Variants in NTN1 observed in about 807,000 individuals in gnomAD.
The protein encoded by NTN1 is netrin-1.
A neutral mutation model predicts 54.2 loss-of-function variants in NTN1; 11 were observed. The ratio of observed to expected loss-of-function variants is 0.20; its 90% CI spans 0.13 to 0.34. The LOEUF (loss-of-function observed/expected upper bound fraction) is 0.34, where lower values mean the gene tolerates loss of function less well. Ranked by LOEUF, NTN1 falls within the 10% of genes least tolerant of loss-of-function variation. The pLI, the probability that NTN1 is intolerant of heterozygous loss-of-function variation, is 1.00. For missense variants in NTN1, 740 were observed against 893.1 expected, an observed-to-expected ratio of 0.83 and a Z score of 2.18; for synonymous variants, 371 against 382.0, an observed-to-expected ratio of 0.97 and a Z score of 0.33.
At chr17:9,227,614 G>C (rs909722072) in intron 6 of NTN1, among the ~76,000 whole-genome samples, 4 of 92,620 alleles carry the variant, frequency 4.3e-5, no homozygotes, top group African/African-American at 1.9e-4. Flanking sequence ...TCACACATCA[G>C]ATACACAGAC....
chr17:9,125,228 A>ATTT (rs143350408), intron 2 of NTN1, among the ~76,000 whole-genome samples: 1 of 142,682 alleles, frequency 7.0e-6, no homozygotes, highest in African/African-American at 2.6e-5. Context: ...TGTTTGGCTA[A>ATTT]TTTTTTTTTT....
At chr17:9,122,883 G>T (rs1476972726) in intron 2 of NTN1, among the ~76,000 whole-genome samples, 1 of 152,110 alleles carries the variant, frequency 6.6e-6, no homozygotes, top group Non-Finnish European at 1.5e-5. Flanking sequence ...AGTTTTGCAT[G>T]GTTGCATAGT....
chr17:9,086,962 ATGCTTGAC>A (rs1422087345), intron 2 of NTN1, among the ~76,000 whole-genome samples: 11 of 152,216 alleles, frequency 7.2e-5, no homozygotes, highest in African/African-American at 2.7e-4. Context: ...GGCAGCTAGC[ATGCTTGAC>A]CACCTTCTGT....
rs774141266 is a variant in NTN1 at position 9,023,084 on chromosome 17, G to T, written c.711G>T (p.Val237=). The T allele has an allele frequency of 1.9e-6, 3 of 1,572,636 alleles. No homozygotes were observed. The highest frequency in any genetic ancestry group is 1.7e-6 in the Non-Finnish European group (2 of 1,160,344). Residue 237 remains valine (V), a synonymous_variant, in exon 2 of 7, where the codon GTG becomes GTT. Coordinates refer to ENST00000173229, the MANE Select transcript of NTN1 (RefSeq NM_004822.3). The part of the protein sequence containing the change: ...PSAHDFDNSP[V]LQDWVTATDI... ...CGCACGACTTCGACAACTCGCCCGT[G>T]CTGCAGGACTGGGTCACGGCCACAG...
chr17:9,117,137 T>C (rs566410819), intron 2 of NTN1, among the ~76,000 whole-genome samples: 5 of 152,122 alleles, frequency 3.3e-5, no homozygotes, highest in South Asian at 2.1e-4. Flanking sequence ...CATGATGTTA[T>C]AGGAAAAAAT....
intron 2 of NTN1, among the ~76,000 whole-genome samples, chr17:9,090,189 T>C (rs2092105276): frequency 6.6e-6 from 1 of 151,528 alleles, no homozygotes; most frequent in South Asian, 2.1e-4. Context: ...TTTTCTTTTT[T>C]TTTTTGAGAT....
Position 9,133,681 on chromosome 17 carries a change from G to A in NTN1, c.1019-29132G>A, listed in dbSNP as rs576794892. 1.4e-3 allele frequency among the ~76,000 whole-genome samples: 204 copies of A among 148,932 alleles called. 1 individual carries two copies. The highest frequency in any genetic ancestry group is 4.6e-3 in the African/African-American group (185 of 40,254). ...CGGCTCACTGCAACCTCCACCTCCC[G>A]GGTTCAAGCGATTCTCCTGCCTCAG... is the stretch of plus-strand genomic sequence containing the variant. On this transcript the variant is annotated intron_variant, in intron 2 of 6. Transcript: ENST00000173229.
At chr17:9,222,564 C>T (rs1034401279) in intron 6 of NTN1, among the ~76,000 whole-genome samples, 11 of 152,284 alleles carry the variant, frequency 7.2e-5, no homozygotes, top group Middle Eastern at 3.4e-3. Context: ...GTGACCTCTG[C>T]GTCCAAAGGA....
chr17:9,204,547 G>A (rs1034882102), intron 5 of NTN1, among the ~76,000 whole-genome samples: 3 of 152,134 alleles, frequency 2.0e-5, no homozygotes, highest in Admixed American at 6.5e-5. Context: ...TGCCTGCCTC[G>A]GCCTCCCAAA....
At chr17:9,094,908 G>A (rs1235092769) in intron 2 of NTN1, among the ~76,000 whole-genome samples, 1 of 147,094 alleles carries the variant, frequency 6.8e-6, no homozygotes, top group Admixed American at 7.1e-5. Flanking sequence ...AGAATCGCTT[G>A]AATGCAGGAG....
the NTN1 span, among the ~76,000 whole-genome samples, chr17:9,007,260 TTCTC>T: frequency 3.4e-4 from 52 of 151,094 alleles, no homozygotes; most frequent in African/African-American, 8.7e-4. Flanking sequence ...TTCCTTCTCT[TTCTC>T]TCTTTCTTTT....
chr17:9,205,883 G>A (rs1015163271), intron 5 of NTN1, among the ~76,000 whole-genome samples: 1 of 152,270 alleles, frequency 6.6e-6, no homozygotes, highest in Non-Finnish European at 1.5e-5. Flanking sequence ...TTCCTATGTG[G>A]CTGTGCAGCT....
intron 2 of NTN1, among the ~76,000 whole-genome samples, chr17:9,132,626 C>G (rs868437329): frequency 9.2e-5 from 14 of 152,096 alleles, no homozygotes; most frequent in African/African-American, 2.9e-4. Context: ...TGTAACCCCA[C>G]CACTTTGGGG....
In NTN1 at chr17:9,102,390, A is replaced by G. The variant is rs183452509; in HGVS notation, c.1019-60423A>G. On this transcript the variant is annotated intron_variant, in intron 2 of 6. Coordinates refer to ENST00000173229, the MANE Select transcript of NTN1 (RefSeq NM_004822.3). The stretch of plus-strand genomic sequence containing the variant: ...TTAGTGAAGGGGAAGCCCCTTAAAA[A>G]ACCATCAGATCTCGTGAGAACTAAC... Among the ~76,000 whole-genome samples the G allele has an allele frequency of 4.6e-5, 7 of 152,240 alleles. 1 individual carries two copies. In the East Asian group the frequency reaches 1.4e-3, roughly 29 times the overall value.
intron 2 of NTN1, among the ~76,000 whole-genome samples, chr17:9,040,904 TG>T (rs1465996744): frequency 2.0e-5 from 3 of 152,104 alleles, no homozygotes; most frequent in African/African-American, 4.8e-5. Context: ...CTCAACCTCC[TG>T]GGCTAAAGCA....
chr17:9,224,804 TG>T (rs200491836), intron 6 of NTN1, among the ~76,000 whole-genome samples: 1 of 125,238 alleles, frequency 8.0e-6, no homozygotes, highest in African/African-American at 3.0e-5. Flanking sequence ...GGGGATGGGG[TG>T]GGGGGGCACA....
In NTN1 at chr17:9,203,527, G is replaced by A. The variant is rs1181375968; in HGVS notation, c.1412-17641G>A. Among the ~76,000 whole-genome samples, 13 of 152,158 alleles carry A rather than the reference G, an allele frequency of 8.5e-5. No homozygotes were observed. The East Asian group carries it at 1.9e-3, about 23-fold the overall frequency. On this transcript the variant is annotated intron_variant, in intron 5 of 6. Coordinates refer to ENST00000173229, the MANE Select transcript of NTN1 (RefSeq NM_004822.3). Reference sequence around the variant, plus strand: ...CAAGAACTGAGGACTGGTTGGGCGCGGTGGCTAACCCCTGTAATCCCAGCA... The same window carrying A: ...CAAGAACTGAGGACTGGTTGGGCGCAGTGGCTAACCCCTGTAATCCCAGCA...
chr17:9,169,789 T>C (rs1255034512), intron 3 of NTN1, among the ~76,000 whole-genome samples: 1 of 152,150 alleles, frequency 6.6e-6, no homozygotes, highest in Non-Finnish European at 1.5e-5. Flanking sequence ...CGCTTGAGCC[T>C]GGGAGGCAGA....
intron 2 of NTN1, among the ~76,000 whole-genome samples, chr17:9,143,289 A>G (rs911386136): frequency 6.6e-6 from 1 of 152,206 alleles, no homozygotes; most frequent in Admixed American, 6.5e-5. Context: ...AAGCAGAAGC[A>G]TGGCCAGGAA....
Sources: gnomAD v4.1 joint callset for allele counts (sites outside exome capture counted in the v4.1 genomes callset) on GRCh38, gnomAD v4.1.1 for gene constraint, MANE v1.5 for transcripts, NCBI Gene and HGNC (gene_info 2026-07-23, HGNC 2026-07-21) for gene names.